EEIG2: variants seen among roughly 807,000 people sequenced by gnomAD.
EEIG2 encodes family with sequence similarity 102 member B.
At chr1:108,613,186 T>C in the EEIG2 span, among the ~76,000 whole-genome samples, 2 of 152,210 alleles carry the variant, frequency 1.3e-5, no homozygotes, top group African/African-American at 4.8e-5. Context: ...TAGAAAAGTA[T>C]CACAATATAA....
chr1:108,622,151 G>A, the EEIG2 span, among the ~76,000 whole-genome samples: 18 of 152,156 alleles, frequency 1.2e-4, no homozygotes, highest in South Asian at 4.1e-4. Context: ...GCGAAACTCC[G>A]TCTCAAAAAA....
At chr1:108,637,563 G>T in the EEIG2 span, 9 of 151,968 alleles carry the variant, frequency 5.9e-5, no homozygotes, top group Non-Finnish European at 8.8e-5. Context: ...TGAAAATTTA[G>T]ATTATTAATA....
chr1:108,565,891 T>TA, the EEIG2 span, among the ~76,000 whole-genome samples: 1 of 152,080 alleles, frequency 6.6e-6, no homozygotes, highest in South Asian at 2.1e-4. Context: ...ACTTAGAAAA[T>TA]AGAAAGGCAG....
chr1:108,600,831 T>C, the EEIG2 span: 2 of 731,290 alleles, frequency 2.7e-6, no homozygotes, highest in Non-Finnish European at 4.2e-6. Context: ...GTAATTAAAA[T>C]ACCATGGCAA....
At chr1:108,578,623 C>T in the EEIG2 span, among the ~76,000 whole-genome samples, 1 of 151,570 alleles carries the variant, frequency 6.6e-6, no homozygotes, top group African/African-American at 2.4e-5. Flanking sequence ...CGTATATTGA[C>T]CCAGCCTTGC....
At chr1:108,632,858 C>T in the EEIG2 span, among the ~76,000 whole-genome samples, 9 of 151,746 alleles carry the variant, frequency 5.9e-5, no homozygotes, top group Admixed American at 1.3e-4. Context: ...GGCTGGAGTG[C>T]GGCACAATCT....
At chr1:108,589,325 T>C in the EEIG2 span, among the ~76,000 whole-genome samples, 32 of 152,322 alleles carry the variant, frequency 2.1e-4, no homozygotes, top group Middle Eastern at 3.4e-3. Flanking sequence ...CCTCACTTTA[T>C]GCATATCCCC....
chr1:108,587,082 AAG>A, the EEIG2 span, among the ~76,000 whole-genome samples: 1 of 152,016 alleles, frequency 6.6e-6, no homozygotes, highest in African/African-American at 2.4e-5. Flanking sequence ...TTTTTTGCCT[AAG>A]AGTTATCTTT....
chr1:108,583,936 A>C, the EEIG2 span, among the ~76,000 whole-genome samples: 2 of 152,196 alleles, frequency 1.3e-5, no homozygotes, highest in East Asian at 3.9e-4. Context: ...GTTAGAGGAC[A>C]GGGTGTTCAG....
chr1:108,611,655 T>A, the EEIG2 span, among the ~76,000 whole-genome samples: 1 of 152,216 alleles, frequency 6.6e-6, no homozygotes, highest in Non-Finnish European at 1.5e-5. Context: ...TTCACTTAAG[T>A]CACTCCAGTT....
the EEIG2 span, among the ~76,000 whole-genome samples, chr1:108,575,146 G>C: frequency 6.6e-6 from 1 of 152,224 alleles, no homozygotes; most frequent in South Asian, 2.1e-4. Context: ...ACTGAAAAAT[G>C]CTTTCCTGAT....
the EEIG2 span, among the ~76,000 whole-genome samples, chr1:108,600,265 G>A: frequency 3.3e-5 from 5 of 152,176 alleles, no homozygotes; most frequent in African/African-American, 7.2e-5. Context: ...TACCACATGC[G>A]CAGCATATAA....
chr1:108,566,162 G>T, the EEIG2 span, among the ~76,000 whole-genome samples: 1,810 of 152,116 alleles, frequency 0.012, 19 homozygotes, highest in South Asian at 0.044. Flanking sequence ...TTATTCTATT[G>T]TATGAGTTTC....
the EEIG2 span, chr1:108,636,819 T>C: frequency 3.3e-5 from 5 of 152,212 alleles, no homozygotes; most frequent in Admixed American, 2.0e-4. Context: ...CCGTTCATTA[T>C]ATATTATGGG....
chr1:108,627,253 C>A, the EEIG2 span: 1 of 152,172 alleles, frequency 6.6e-6, no homozygotes, highest in Admixed American at 6.5e-5. Context: ...ATACTCTGTC[C>A]AGAAATGAGA....
chr1:108,579,828 A>C, the EEIG2 span, among the ~76,000 whole-genome samples: 1 of 135,594 alleles, frequency 7.4e-6, no homozygotes, highest in African/African-American at 2.6e-5. Context: ...CCCAGGCTGC[A>C]GTGCGATGAT....
At chr1:108,560,122 A>C in the EEIG2 span, 86 of 174,654 alleles carry the variant, frequency 4.9e-4, 2 homozygotes, top group East Asian at 3.6e-3. Flanking sequence ...GCGGCGGCGG[A>C]GGCGGCGGCG....
the EEIG2 span, chr1:108,636,319 C>G: frequency 6.6e-6 from 1 of 152,150 alleles, no homozygotes. Flanking sequence ...GTGGAAAGAT[C>G]TAAACTTTCT....
chr1:108,588,816 T>G, the EEIG2 span, among the ~76,000 whole-genome samples: 2 of 152,052 alleles, frequency 1.3e-5, no homozygotes, highest in Non-Finnish European at 2.9e-5. Flanking sequence ...TTGTAAGGTT[T>G]GTAAATATTT....
Sources: allele counts gnomAD v4.1 joint callset (sites outside exome capture counted in the v4.1 genomes callset), GRCh38; gene constraint gnomAD v4.1.1; transcripts MANE v1.5; gene names NCBI Gene and HGNC (gene_info 2026-07-23, HGNC 2026-07-21).